Variants in PPP2R2B observed in about 807,000 individuals in gnomAD.
PPP2R2B encodes the protein protein phosphatase 2 regulatory subunit Bbeta.
PPP2R2B carries 5 observed loss-of-function variants against 46.0 expected under a neutral mutation model. The ratio of observed to expected loss-of-function variants is 0.11; its 90% confidence interval spans 0.06 to 0.23. The LOEUF (loss-of-function observed/expected upper bound fraction) is 0.23, where lower values mean the gene tolerates loss of function less well. Among genes scored for constraint, PPP2R2B ranks in the 10% least tolerant of loss-of-function variants. PPP2R2B has a pLI of 1.00. For synonymous variants in PPP2R2B, 215 were observed against 206.7 expected, an observed-to-expected ratio of 1.04 and a Z score of -0.34; for missense variants, 367 against 575.0, an observed-to-expected ratio of 0.64 and a Z score of 3.70.
chr5:146,616,165 A>G (rs1773151419), intron 7 of PPP2R2B, among the ~76,000 whole-genome samples: 1 of 152,200 alleles, frequency 6.6e-6, no homozygotes, highest in Non-Finnish European at 1.5e-5. Context: ...TTTGTGCTAG[A>G]AAAACTGGAT....
rs1412823639 is a variant in PPP2R2B, at chr5:146,686,366, T to C, written c.447+4762A>G. Among the ~76,000 whole-genome samples, 5 of 152,274 alleles carry C rather than the reference T, an allele frequency of 3.3e-5. No homozygotes were observed. In the South Asian group the frequency reaches 1.0e-3, roughly 32 times the overall value. On this transcript the variant is annotated intron_variant, in intron 5 of 9. Transcript: ENST00000394411. ...ATGAATGGGAAATGTGGGTGTGCTC[T>C]TTTCCATAGGATACCCTAGGAGGGC...
At chr5:146,771,010 T>C (rs1341090353) in intron 2 of PPP2R2B, among the ~76,000 whole-genome samples, 1 of 152,190 alleles carries the variant, frequency 6.6e-6, no homozygotes, top group Non-Finnish European at 1.5e-5. Flanking sequence ...ACCAGGCGCA[T>C]TTTGAAAAGC....
intron 1 of PPP2R2B, chr5:146,918,383 G>T (rs1763469531): frequency 6.6e-6 from 1 of 152,130 alleles, no homozygotes; most frequent in African/African-American, 2.4e-5. Flanking sequence ...CCTAAAGTTG[G>T]TAATACTTAG....
At chr5:146,884,089 G>GTTTT (rs372611320) in intron 1 of PPP2R2B, among the ~76,000 whole-genome samples, 34 of 104,652 alleles carry the variant, frequency 3.2e-4, no homozygotes, top group South Asian at 9.7e-4. Flanking sequence ...TAAATTCAGG[G>GTTTT]TTTTTTTTTT....
At chr5:146,797,215 C>G (rs1203813586) in intron 2 of PPP2R2B, among the ~76,000 whole-genome samples, 2 of 152,164 alleles carry the variant, frequency 1.3e-5, no homozygotes, top group African/African-American at 4.8e-5. Flanking sequence ...TCAAGACACT[C>G]AAGAACTTAA....
In PPP2R2B at chr5:147,061,882, C is replaced by G; in HGVS notation, c.50+19177G>C. Among the ~76,000 whole-genome samples the G allele has an allele frequency of 1.3e-5, 2 of 151,996 alleles. 1 individual carries two copies. Among genetic ancestry groups the G allele is most frequent in the South Asian group, 4.2e-4 (2 of 4,812 alleles). On this transcript the variant is annotated intron_variant, in intron 2 of 10. Transcript: ENST00000394413. ...ATTTTATATAGTAACTCTCATAGTA[C>G]CTAGAAAGAGTAGACAAATAAAATC...
At chr5:147,006,488 AG>A (rs1754446879) in intron 1 of PPP2R2B, among the ~76,000 whole-genome samples, 2 of 152,154 alleles carry the variant, frequency 1.3e-5, no homozygotes, top group African/African-American at 4.8e-5. Context: ...TGCCCCTCAA[AG>A]CTCAAGTCCA....
chr5:146,777,290 A>G (rs1755244814), intron 2 of PPP2R2B, among the ~76,000 whole-genome samples: 1 of 152,188 alleles, frequency 6.6e-6, no homozygotes, highest in Non-Finnish European at 1.5e-5. Flanking sequence ...TTATCCAGCC[A>G]TAAAAAGGAA....
rs573967099 is a variant in PPP2R2B, at chr5:146,584,623, T to C, written c.*5324A>G. ...CATCTACCTATCAGGTGATTAACAA[T>C]GATTTAAAACAGTGCCTCTCCCAAT... On this transcript the variant is annotated 3_prime_UTR_variant, in exon 10 of 10. Transcript: ENST00000394411. 1 of 152,212 alleles carries C rather than the reference T, an allele frequency of 6.6e-6. No homozygotes were observed. Among genetic ancestry groups the C allele is most frequent in the South Asian group, 2.1e-4 (1 of 4,832 alleles). 9.4% of individuals were successfully genotyped at this position (152,212 alleles called of 1,614,324 possible).
chr5:147,074,432 C>G (rs968346813), intron 2 of PPP2R2B, among the ~76,000 whole-genome samples: 1 of 152,132 alleles, frequency 6.6e-6, no homozygotes, highest in Non-Finnish European at 1.5e-5. Context: ...CATTTTCTAT[C>G]ATTTAGGCTA....
intron 1 of PPP2R2B, among the ~76,000 whole-genome samples, chr5:147,051,906 G>A (rs573224148): frequency 6.6e-6 from 1 of 151,616 alleles, no homozygotes; most frequent in African/African-American, 2.4e-5. Context: ...GGGACTACAG[G>A]GGCCCACCAC....
At chr5:147,054,526 C>A in intron 1 of PPP2R2B, 5 of 426,870 alleles carry the variant, frequency 1.2e-5, no homozygotes, top group Non-Finnish European at 1.4e-5. Flanking sequence ...TGAAAAATAC[C>A]ACCCTCAGTC....
At chr5:146,988,521 G>A (rs531685207) in intron 1 of PPP2R2B, among the ~76,000 whole-genome samples, 3 of 151,950 alleles carry the variant, frequency 2.0e-5, no homozygotes, top group South Asian at 4.2e-4. Context: ...AAAACTAATG[G>A]GTCAATGAAG....
intron 1 of PPP2R2B, among the ~76,000 whole-genome samples, chr5:146,926,676 T>G (rs1475313057): frequency 6.6e-6 from 1 of 152,190 alleles, no homozygotes; most frequent in Non-Finnish European, 1.5e-5. Flanking sequence ...CTTTTTCACC[T>G]ATTTTCAGGT....
At chr5:146,917,304 G>T (rs957026373) in intron 1 of PPP2R2B, among the ~76,000 whole-genome samples, 3 of 152,164 alleles carry the variant, frequency 2.0e-5, no homozygotes, top group Non-Finnish European at 2.9e-5. Flanking sequence ...CACACAGTGG[G>T]TGCTCAAGAA....
intron 1 of PPP2R2B, among the ~76,000 whole-genome samples, chr5:146,906,646 CATA>C (rs1226801983): frequency 6.6e-6 from 1 of 152,124 alleles, no homozygotes; most frequent in East Asian, 1.9e-4. Flanking sequence ...TTAATTGACA[CATA>C]ATGATTATGC....
chr5:146,687,094 AAGAGAGGGAGAGGGAG>A (rs1270590376), intron 5 of PPP2R2B, among the ~76,000 whole-genome samples: 7 of 150,392 alleles, frequency 4.7e-5, no homozygotes, highest in Non-Finnish European at 8.9e-5. Context: ...GAGGGAGAGG[AAGAGAGGGAGAGGGAG>A]AGAGAGGGAG....
chr5:147,079,455 T>TA, intron 2 of PPP2R2B, among the ~76,000 whole-genome samples: 1 of 144,188 alleles, frequency 6.9e-6, no homozygotes, highest in Non-Finnish European at 1.5e-5. Flanking sequence ...CATATATATA[T>TA]ATATATATAT....
intron 1 of PPP2R2B, among the ~76,000 whole-genome samples, chr5:147,003,819 CCTT>C (rs1754301440): frequency 6.6e-6 from 1 of 152,134 alleles, no homozygotes; most frequent in African/African-American, 2.4e-5. Flanking sequence ...GGAAGAAAAT[CCTT>C]CTGCCTTCTA....
Sources: gnomAD v4.1 joint callset for allele counts (sites outside exome capture counted in the v4.1 genomes callset) on GRCh38, gnomAD v4.1.1 for gene constraint, MANE v1.5 for transcripts, NCBI Gene and HGNC (gene_info 2026-07-23, HGNC 2026-07-21) for gene names.